Variants in SIRT5 observed in about 807,000 individuals in gnomAD.
SIRT5 encodes the protein sirtuin 5, also known as NAD-dependent protein deacylase sirtuin-5, mitochondrial.
SIRT5 carries 26 observed loss-of-function variants against 40.0 expected under a neutral mutation model. The ratio of observed to expected loss-of-function variants is 0.65; its 90% CI spans 0.48 to 0.90. SIRT5 has a LOEUF of 0.90. Ranked by LOEUF, SIRT5 falls within the 40% of genes least tolerant of loss-of-function variation. The pLI is 0.00. For missense variants in SIRT5, 401 were observed against 402.4 expected, an observed-to-expected ratio of 1.00 and a Z score of 0.03; for synonymous variants, 146 against 149.1, an observed-to-expected ratio of 0.98 and a Z score of 0.15.
At chr6:13,575,232 G>A (rs1423269984) in intron 1 of SIRT5, among the ~76,000 whole-genome samples, 1 of 152,178 alleles carries the variant, frequency 6.6e-6, no homozygotes, top group Non-Finnish European at 1.5e-5. Flanking sequence ...TGGGAGGATG[G>A]GAGATCCAGA....
intron 1 of SIRT5, among the ~76,000 whole-genome samples, chr6:13,579,153 C>G (rs556664232): frequency 5.9e-5 from 9 of 152,312 alleles, no homozygotes; most frequent in African/African-American, 2.2e-4. Context: ...CCTGGAAAAG[C>G]AGATACATGT....
At chr6:13,597,070 A>C in intron 7 of SIRT5, 54 bp downstream of exon 7, 1 of 1,378,954 alleles carries the variant, frequency 7.3e-7, no homozygotes, top group Non-Finnish European at 1.0e-6. Context: ...AAACAAAAAA[A>C]AAAACAGACA....
At chr6:13,587,099 G>A (rs1367459783) in intron 3 of SIRT5, among the ~76,000 whole-genome samples, 1 of 147,534 alleles carries the variant, frequency 6.8e-6, no homozygotes, top group Non-Finnish European at 1.5e-5. Flanking sequence ...CTCCACATTT[G>A]CTGGAATTCT....
In SIRT5 at chr6:13,614,106, T is replaced by C. The variant is rs558358022; in HGVS notation, c.*2241T>C. ...TTAAAAATACAATATATGTGTAAGATAGAATTATTCAACTTAGCATTTATT... is the reference window on the plus strand; with the variant it reads ...TTAAAAATACAATATATGTGTAAGACAGAATTATTCAACTTAGCATTTATT... On this transcript the variant is annotated 3_prime_UTR_variant, in exon 10 of 10. Coordinates refer to ENST00000606117, the MANE Select transcript of SIRT5 (RefSeq NM_012241.5). 6.6e-6 allele frequency: 1 copy of C among 152,334 alleles called. No individual in the cohort carries two copies. The highest frequency in any genetic ancestry group is 2.4e-5 in the African/African-American group (1 of 41,578). The allele number at this position is 152,334 out of a possible 1,614,324, so 9.4% of individuals were successfully genotyped here.
intron 5 of SIRT5, among the ~76,000 whole-genome samples, chr6:13,592,456 G>A (rs1761050269): frequency 1.3e-5 from 2 of 152,178 alleles, no homozygotes; most frequent in Non-Finnish European, 1.5e-5. Context: ...CTTCATCCTG[G>A]TGGGCACTCC....
chr6:13,580,292 C>T lies in SIRT5; in HGVS notation c.-36+683C>T, dbSNP rs1417458036. 3.9e-4 allele frequency among the ~76,000 whole-genome samples: 60 copies of T among 152,134 alleles called. 1 individual carries two copies. The highest frequency in any genetic ancestry group is 3.9e-3 in the Admixed American group (60 of 15,274). On this transcript the variant is annotated intron_variant, in intron 2 of 9. Coordinates refer to ENST00000606117, the MANE Select transcript of SIRT5 (RefSeq NM_012241.5). ...ACAGGATACATTGAAAACGTGTTGACTTGCTTGCTTATTTGTAGGTGAGGT... is the reference window on the plus strand; with the variant it reads ...ACAGGATACATTGAAAACGTGTTGATTTGCTTGCTTATTTGTAGGTGAGGT...
At chr6:13,581,361 G>A (rs1759323111) in intron 2 of SIRT5, among the ~76,000 whole-genome samples, 1 of 151,664 alleles carries the variant, frequency 6.6e-6, no homozygotes, top group South Asian at 2.1e-4. Flanking sequence ...TGTGTAGAAC[G>A]CCCCTCAGCT....
intron 9 of SIRT5, chr6:13,605,817 G>T (rs1763029684): frequency 1.0e-6 from 1 of 985,474 alleles, no homozygotes. Context: ...GCAAAAATGG[G>T]ACTGTCGCTG....
At chr6:13,577,604 CATCTT>C (rs1379123077) in intron 1 of SIRT5, among the ~76,000 whole-genome samples, 2 of 149,796 alleles carry the variant, frequency 1.3e-5, no homozygotes, top group South Asian at 4.2e-4. Flanking sequence ...ATGCTGATAA[CATCTT>C]ATATATAGAA....
chr6:13,603,234 G>A (rs368349498), intron 9 of SIRT5, among the ~76,000 whole-genome samples: 4 of 140,302 alleles, frequency 2.9e-5, no homozygotes, highest in Non-Finnish European at 6.0e-5. Flanking sequence ...CCGAGATCGC[G>A]CCACTGCACT....
Position 13,611,815 on chromosome 6 carries a change from A to C in SIRT5, c.883A>C (p.Thr295Pro). 1 of 1,614,016 alleles carries C rather than the reference A, an allele frequency of 6.2e-7. No homozygotes were observed. Among genetic ancestry groups the C allele is most frequent in the Non-Finnish European group, 8.5e-7 (1 of 1,179,878 alleles). The change falls in exon 10 of 10, where the codon ACG (threonine) becomes CCG (proline). Residue 295 changes from threonine (T) to proline (P), a missense_variant. By Grantham distance (38) the Thr-to-Pro change is conservative (BLOSUM62 -1). Transcript: ENST00000606117. Reference protein sequence around the residue: ...FRFHFQGPCGTTLPEALACHE... With the variant: ...FRFHFQGPCGPTLPEALACHE... The stretch of plus-strand genomic sequence containing the variant: ...GTTTCATTTCCAGGGACCCTGTGGA[A>C]CGACTCTTCCTGAAGCCCTTGCCTG...
intron 9 of SIRT5, chr6:13,604,406 G>C: frequency 9.4e-6 from 9 of 961,350 alleles, no homozygotes; most frequent in Non-Finnish European, 1.5e-5. Context: ...GAGTGGGACA[G>C]GATAAACTTT....
At chr6:13,598,934 C>A in intron 7 of SIRT5, 98 bp from the exon 8 acceptor site, 3 of 1,432,228 alleles carry the variant, frequency 2.1e-6, no homozygotes, top group Non-Finnish European at 2.9e-6. Flanking sequence ...CAGAGGTGAC[C>A]CATCTGGATG....
At chr6:13,588,561 A>G (rs972014604) in intron 4 of SIRT5, 97 bp downstream of exon 4, 3 of 1,407,118 alleles carry the variant, frequency 2.1e-6, no homozygotes, top group Non-Finnish European at 2.8e-6. Context: ...CCCCAGGGAA[A>G]TGGTTTTTAA....
At chr6:13,604,818 T>C in intron 9 of SIRT5, 1 of 1,106,100 alleles carries the variant, frequency 9.0e-7, no homozygotes, top group Non-Finnish European at 1.1e-6. Flanking sequence ...CCAAAATTCT[T>C]CAGCTTCATA....
At position 13,607,746 on chromosome 6, in the gene SIRT5, G is replaced by T. The variant is rs986311551; in HGVS notation, c.858-4044G>T. On this transcript the variant is annotated intron_variant, in intron 9 of 9. Transcript: ENST00000606117. This position sits in a 1 kb window ranked among gnomAD's most constrained non-coding sequence, Gnocchi z 4.0. Reference sequence around the variant, plus strand: ...TGATTCCAAGTGCATTGGAAACACTGCCATTTTATTTATTTATTGATGTTT... The same window carrying T: ...TGATTCCAAGTGCATTGGAAACACTTCCATTTTATTTATTTATTGATGTTT... Among the ~76,000 whole-genome samples, 2 of 152,120 alleles carry T rather than the reference G, an allele frequency of 1.3e-5. No homozygotes were observed. The highest frequency in any genetic ancestry group is 4.8e-5 in the African/African-American group (2 of 41,414).
At chr6:13,594,202 T>A (rs1015264800) in intron 5 of SIRT5, among the ~76,000 whole-genome samples, 4 of 152,204 alleles carry the variant, frequency 2.6e-5, no homozygotes, top group Non-Finnish European at 5.9e-5. Flanking sequence ...TCACCCCATT[T>A]TTCAGTGTTC....
At chr6:13,609,282 T>C (rs1763533990) in intron 9 of SIRT5, among the ~76,000 whole-genome samples, 1 of 152,132 alleles carries the variant, frequency 6.6e-6, no homozygotes, top group African/African-American at 2.4e-5. Context: ...CAAGATCAGG[T>C]TTATTGATTT....
At chr6:13,590,179 T>C (rs1760653308) in intron 4 of SIRT5, among the ~76,000 whole-genome samples, 1 of 152,182 alleles carries the variant, frequency 6.6e-6, no homozygotes, top group South Asian at 2.1e-4. Flanking sequence ...GTGCATTGTG[T>C]GTACAGTTTG....
Sources: gnomAD v4.1 joint callset for allele counts (sites outside exome capture counted in the v4.1 genomes callset) on GRCh38, gnomAD v4.1.1 for gene constraint, Gnocchi (gnomAD v3.1) non-coding constraint, MANE v1.5 for transcripts, NCBI Gene and HGNC (gene_info 2026-07-23, HGNC 2026-07-21) for gene names.